SHOC2: variants seen among roughly 807,000 people sequenced by gnomAD.
SHOC2 encodes SHOC2 leucine rich repeat scaffold protein.
A neutral mutation model predicts 50.2 loss-of-function variants in SHOC2; 4 were observed. That is an observed-to-expected ratio of 0.08 (90% CI 0.04 to 0.18). The LOEUF (loss-of-function observed/expected upper bound fraction) is 0.18. Among genes scored for constraint, SHOC2 ranks in the 10% least tolerant of loss-of-function variants. The pLI, the probability that SHOC2 is intolerant of heterozygous loss-of-function variation, is 1.00. For missense variants in SHOC2, 388 were observed against 669.6 expected (o/e 0.58, Z 4.64); for synonymous variants, 218 against 244.5 (o/e 0.89, Z 1.01).
At chr10:110,963,585 T>A (rs1847614645) in intron 1 of SHOC2, among the ~76,000 whole-genome samples, 1 of 152,192 alleles carries the variant, frequency 6.6e-6, no homozygotes, top group South Asian at 2.1e-4. Flanking sequence ...TATCCGCCAA[T>A]TAATTGTAGC....
chr10:111,009,200 TA>T (rs1197378803), intron 6 of SHOC2, 47 bp from the exon 7 acceptor site: 1 of 1,311,554 alleles, frequency 7.6e-7, no homozygotes, highest in African/African-American at 1.5e-5. Context: ...TGACAGTATA[TA>T]ATTTCATTTC....
At position 110,981,084 on chromosome 10, in the gene SHOC2, C is replaced by G. The variant is rs547984297; in HGVS notation, c.704-4544C>G. Among the ~76,000 whole-genome samples, 4 of 152,268 alleles carry G rather than the reference C, an allele frequency of 2.6e-5. No individual in the cohort carries two copies. In the South Asian group the frequency reaches 8.3e-4, roughly 32 times the overall value. ...TCATGAATGAGTCAGTGAAATGGGT[C>G]ACCACCTTAAAGATAAAGAACTTTG... On this transcript the variant is annotated intron_variant, in intron 2 of 8. Transcript: ENST00000369452.
At chr10:110,940,270 T>TG (rs1847109393) in intron 1 of SHOC2, among the ~76,000 whole-genome samples, 1 of 152,186 alleles carries the variant, frequency 6.6e-6, no homozygotes, top group Non-Finnish European at 1.5e-5. Flanking sequence ...CATAGTTTCT[T>TG]GGGGTTTATG....
At chr10:110,935,618 A>G (rs1430922218) in intron 1 of SHOC2, among the ~76,000 whole-genome samples, 1 of 152,094 alleles carries the variant, frequency 6.6e-6, no homozygotes, top group Non-Finnish European at 1.5e-5. Flanking sequence ...GTTACATTCT[A>G]TTTTGAGATC....
chr10:110,926,794 C>CTGT (rs1846785498), intron 1 of SHOC2, among the ~76,000 whole-genome samples: 1 of 152,054 alleles, frequency 6.6e-6, no homozygotes, highest in South Asian at 2.1e-4. Flanking sequence ...AAAACTTTTA[C>CTGT]TGTGTTAAGC....
In SHOC2 at chr10:110,979,958, C is replaced by T. The variant is rs537363058; in HGVS notation, c.704-5670C>T. 1.2e-4 allele frequency among the ~76,000 whole-genome samples: 18 copies of T among 152,302 alleles called. No homozygotes were observed. The South Asian group carries it at 3.5e-3, about 30-fold the overall frequency. On this transcript the variant is annotated intron_variant, in intron 2 of 8. Coordinates refer to ENST00000369452, the MANE Select transcript of SHOC2 (RefSeq NM_007373.4). ...GTACTGGGCCACCAACTGTTTGTTACTAGTTTGCCCAAATTAAGAACAGAA... is the reference window on the plus strand; with the variant it reads ...GTACTGGGCCACCAACTGTTTGTTATTAGTTTGCCCAAATTAAGAACAGAA...
At chr10:110,927,301 T>A (rs1846796805) in intron 1 of SHOC2, among the ~76,000 whole-genome samples, 1 of 152,216 alleles carries the variant, frequency 6.6e-6, no homozygotes, top group Non-Finnish European at 1.5e-5. Flanking sequence ...TAGTTCTGGT[T>A]CAAATAAATT....
At chr10:110,941,811 A>T (rs1287167806) in intron 1 of SHOC2, among the ~76,000 whole-genome samples, 6 of 151,342 alleles carry the variant, frequency 4.0e-5, no homozygotes, top group East Asian at 1.9e-4. Flanking sequence ...ATGAAAAAAA[A>T]TTTTTTTTTG....
At chr10:110,988,064 A>G (rs1564723323) in intron 3 of SHOC2, among the ~76,000 whole-genome samples, 1 of 152,176 alleles carries the variant, frequency 6.6e-6, no homozygotes, top group African/African-American at 2.4e-5. Context: ...AACTTGATAA[A>G]AACCCGGATA....
intron 1 of SHOC2, among the ~76,000 whole-genome samples, chr10:110,950,545 A>T (rs535061845): frequency 6.6e-6 from 1 of 152,304 alleles, no homozygotes; most frequent in Admixed American, 6.5e-5. Context: ...ATGTAACCAC[A>T]AAAGACTCCA....
At chr10:110,999,076 C>T (rs1848319259) in intron 3 of SHOC2, among the ~76,000 whole-genome samples, 1 of 152,162 alleles carries the variant, frequency 6.6e-6, no homozygotes, top group Non-Finnish European at 1.5e-5. Context: ...GCTGAAAGGA[C>T]TCAAAATACT....
chr10:110,975,720 A>AT (rs1487467500), intron 2 of SHOC2, among the ~76,000 whole-genome samples: 15 of 152,050 alleles, frequency 9.9e-5, no homozygotes, highest in African/African-American at 3.6e-4. Flanking sequence ...ATTACTGGTG[A>AT]TTTTGACCTC....
chr10:110,975,153 T>C (rs1194602518), intron 2 of SHOC2, among the ~76,000 whole-genome samples: 2 of 151,760 alleles, frequency 1.3e-5, no homozygotes, highest in Admixed American at 1.3e-4. Flanking sequence ...TAGAATCCCA[T>C]GTTACTTTTT....
At chr10:111,010,579 G>A (rs1848548907) in intron 8 of SHOC2, among the ~76,000 whole-genome samples, 1 of 152,100 alleles carries the variant, frequency 6.6e-6, no homozygotes, top group Non-Finnish European at 1.5e-5. Flanking sequence ...TATACCTAAT[G>A]TAAATGACTA....
At chr10:110,965,478 A>G in intron 2 of SHOC2, among the ~76,000 whole-genome samples, 1 of 152,184 alleles carries the variant, frequency 6.6e-6, no homozygotes, top group African/African-American at 2.4e-5. Flanking sequence ...GTTTAAATTC[A>G]CATCACTTTC....
At position 110,964,456 on chromosome 10, in the gene SHOC2, G is replaced by T; in HGVS notation, c.98G>T (p.Gly33Val). 1 of 1,614,026 alleles carries T rather than the reference G, an allele frequency of 6.2e-7. No homozygotes were observed. Among genetic ancestry groups the T allele is most frequent in the Non-Finnish European group, 8.5e-7 (1 of 1,179,964 alleles). The change falls in exon 2 of 9, where the codon GGT becomes GTT. Residue 33 changes from glycine to valine, a missense_variant. Gly to Val is a moderately radical substitution (Grantham distance 109). Transcript: ENST00000369452. The surrounding 1 kb of genome is among the most constrained non-coding windows in gnomAD (Gnocchi z 4.9). ...GAAAAGGAGGCAAAAGCCTCTGGAG[G>T]TTTTGGGAAAGAGAGCAAAGAAAAA... ...EREKEAKASG[G>V]FGKESKEKEP...
chr10:111,008,331 T>C (rs1294547406), intron 6 of SHOC2, among the ~76,000 whole-genome samples: 1 of 151,678 alleles, frequency 6.6e-6, no homozygotes, highest in Non-Finnish European at 1.5e-5. Flanking sequence ...ATTTCCTTCA[T>C]ATCCATGTTT....
At chr10:110,973,824 G>T (rs767283546) in intron 2 of SHOC2, among the ~76,000 whole-genome samples, 10 of 151,540 alleles carry the variant, frequency 6.6e-5, no homozygotes, top group Non-Finnish European at 1.3e-4. Flanking sequence ...TGTTGATTTT[G>T]TTGGCTTAAA....
At chr10:110,935,969 G>T (rs1472324772) in intron 1 of SHOC2, among the ~76,000 whole-genome samples, 1 of 152,088 alleles carries the variant, frequency 6.6e-6, no homozygotes, top group East Asian at 1.9e-4. Flanking sequence ...AAATCTTTTA[G>T]ATGGCTGAAC....
Sources: allele counts gnomAD v4.1 joint callset (sites outside exome capture counted in the v4.1 genomes callset), GRCh38; gene constraint gnomAD v4.1.1; non-coding constraint Gnocchi (gnomAD v3.1); transcripts MANE v1.5; gene names NCBI Gene and HGNC (gene_info 2026-07-23, HGNC 2026-07-21).